POLR3E: variants seen among roughly 807,000 people sequenced by gnomAD.
POLR3E encodes the protein RNA polymerase III subunit E.
POLR3E carries 41 observed loss-of-function variants against 96.6 expected under a neutral mutation model. The ratio of observed to expected loss-of-function variants is 0.42; its 90% confidence interval spans 0.33 to 0.55. POLR3E has a LOEUF of 0.55. POLR3E is among the 20% of genes least tolerant of loss of function. The probability of loss-of-function intolerance (pLI) is 0.06; values close to 1 mark genes in which losing one functional copy is unlikely to be tolerated. For missense variants in POLR3E, 849 were observed against 952.1 expected (o/e 0.89, Z 1.43); for synonymous variants, 396 against 383.6 (o/e 1.03, Z -0.38).
At position 22,333,899 on chromosome 16, in the gene POLR3E, T is replaced by G. The variant is rs2048796538; in HGVS notation, c.*199T>G. The G allele has an allele frequency of 2.1e-6, 1 of 486,804 alleles. No homozygotes were observed. The highest frequency in any genetic ancestry group is 1.9e-5 in the African/African-American group (1 of 52,170). 30.2% of individuals were successfully genotyped at this position (486,804 alleles called of 1,614,324 possible). A position where few individuals can be genotyped will look rare whatever the true frequency, so the allele number is the denominator to read the frequency against. On this transcript the variant is annotated 3_prime_UTR_variant, in exon 21 of 21. Coordinates refer to ENST00000299853, the MANE Select transcript of POLR3E (RefSeq NM_018119.4). ...GGTCAGCTTAAGTTAGTTAGATCAC[T>G]CCCAGAAGAGACCAGCTGGGACCTT...
intron 16 of POLR3E, 36 bp downstream of exon 16, chr16:22,324,696 A>G: frequency 1.2e-6 from 2 of 1,609,552 alleles, no homozygotes; most frequent in Non-Finnish European, 1.7e-6. Context: ...CAGCCCGGTG[A>G]TCCCAGCAAC....
chr16:22,309,559 C>A, intron 6 of POLR3E, 49 bp downstream of exon 6: 2 of 1,240,442 alleles, frequency 1.6e-6, no homozygotes, highest in Non-Finnish European at 2.4e-6. Flanking sequence ...TTGGGGGGGG[C>A]TGGGCAGGGA....
At chr16:22,330,058 GT>G (rs201506303) in intron 19 of POLR3E, among the ~76,000 whole-genome samples, 2,403 of 142,692 alleles carry the variant, frequency 0.017, 81 homozygotes, top group East Asian at 0.11. Flanking sequence ...TGTTACGCCA[GT>G]TTTTTTTTTT....
intron 6 of POLR3E, chr16:22,309,974 T>C: frequency 5.9e-6 from 1 of 168,352 alleles, no homozygotes; most frequent in Non-Finnish European, 1.3e-5. Context: ...GCTGGATTCA[T>C]GGAGAAACAG....
chr16:22,335,007 A>AT lies in POLR3E; in HGVS notation c.*1308dup, dbSNP rs1448184397. Reference sequence around the variant, plus strand: ...ATTGATCAAGGATGTACTTTGCCAAATAAGTATTTGGTAACATCACTTAAC... The same window carrying AT: ...ATTGATCAAGGATGTACTTTGCCAAATTAAGTATTTGGTAACATCACTTAAC... On this transcript the variant is annotated 3_prime_UTR_variant, in exon 21 of 21. Coordinates refer to ENST00000299853, the MANE Select transcript of POLR3E (RefSeq NM_018119.4). The AT allele has an allele frequency of 6.6e-6, 1 of 152,260 alleles. No individual in the cohort carries two copies. The highest frequency in any genetic ancestry group is 1.9e-4 in the East Asian group (1 of 5,208). The allele number at this position is 152,260 out of a possible 1,614,324, so 9.4% of individuals were successfully genotyped here.
chr16:22,324,461 AG>A, intron 15 of POLR3E, 41 bp from the exon 16 acceptor site: 7 of 1,605,996 alleles, frequency 4.4e-6, no homozygotes, highest in Non-Finnish European at 6.0e-6. Flanking sequence ...GCTGGAGGGG[AG>A]GGGGCTGGCT....
intron 1 of POLR3E, among the ~76,000 whole-genome samples, chr16:22,297,874 C>T (rs1435448968): frequency 6.6e-6 from 1 of 152,184 alleles, no homozygotes; most frequent in Non-Finnish European, 1.5e-5. Context: ...CGGCTCGCGG[C>T]AGGGACTGCG....
intron 6 of POLR3E, among the ~76,000 whole-genome samples, chr16:22,312,287 G>C (rs1388423051): frequency 6.6e-6 from 1 of 152,104 alleles, no homozygotes; most frequent in Non-Finnish European, 1.5e-5. Flanking sequence ...CTGAGGTCAG[G>C]AGTTCGAGAC....
chr16:22,320,739 G>T (rs771758549), intron 13 of POLR3E, among the ~76,000 whole-genome samples: 2 of 152,016 alleles, frequency 1.3e-5, no homozygotes, highest in Non-Finnish European at 2.9e-5. Flanking sequence ...CTTTAATGTG[G>T]GTCTGTTGGT....
chr16:22,315,200 G>T lies in POLR3E; in HGVS notation c.634G>T (p.Gly212Cys). 6 of 1,592,680 alleles carry T rather than the reference G, an allele frequency of 3.8e-6. No individual in the cohort carries two copies. Among genetic ancestry groups the T allele is most frequent in the Non-Finnish European group, 5.1e-6 (6 of 1,169,408 alleles). Reference sequence around the variant, plus strand: ...GCCCTGGGTCCACCTGCATTACTATGGCCTGAGGGTGAGCGGGGCTTCGTG... The same window carrying T: ...GCCCTGGGTCCACCTGCATTACTATTGCCTGAGGGTGAGCGGGGCTTCGTG... ...EEPWVHLHYY[G>C]LRDSRSEHER... Residue 212 changes from glycine to cysteine, a missense_variant, in exon 9 of 21, where the codon GGC (glycine) becomes TGC (cysteine). Coordinates refer to ENST00000299853, the MANE Select transcript of POLR3E (RefSeq NM_018119.4).
rs966611333 is a variant in POLR3E at position 22,318,852 on chromosome 16, A to G, written c.892A>G (p.Met298Val). The G allele has an allele frequency of 1.2e-6, 2 of 1,613,090 alleles. No homozygotes were observed. The highest frequency in any genetic ancestry group is 2.7e-5 in the African/African-American group (2 of 74,856). ...GAAGGTCATGCCTTTTGCCAACTTG[A>G]TGAGCCTCCTGGGCCCCTCCATCGA... Reference protein sequence around the residue: ...NVKVMPFANLMSLLGPSIDSV... With the variant: ...NVKVMPFANLVSLLGPSIDSV... Residue 298 changes from methionine to valine, a missense_variant, in exon 13 of 21, where the codon ATG becomes GTG. By Grantham distance (21) the Met-to-Val change is conservative. Coordinates refer to ENST00000299853, the MANE Select transcript of POLR3E (RefSeq NM_018119.4). The surrounding 1 kb of genome is among the most constrained non-coding windows in gnomAD (Gnocchi z 5.0).
rs1452476023 is a variant in POLR3E at position 22,334,901 on chromosome 16, G to GGTTTAAAT, written c.*1203_*1210dup. ...ACAACACAGTCACTAATTGTCTGAA[G>GGTTTAAAT]GTTTAAATGACGGTCTATGCTATTT... On this transcript the variant is annotated 3_prime_UTR_variant, in exon 21 of 21. Coordinates refer to ENST00000299853, the MANE Select transcript of POLR3E (RefSeq NM_018119.4). 3 of 152,114 alleles carry GGTTTAAAT rather than the reference G, an allele frequency of 2.0e-5. No individual in the cohort carries two copies. Among genetic ancestry groups the GGTTTAAAT allele is most frequent in the Admixed American group, 6.6e-5 (1 of 15,256 alleles). 9.4% of individuals were successfully genotyped at this position (152,114 alleles called of 1,614,324 possible).
intron 10 of POLR3E, 107 bp from the exon 11 acceptor site, chr16:22,316,887 CG>C: frequency 1.3e-6 from 1 of 744,928 alleles, no homozygotes; most frequent in Non-Finnish European, 2.1e-6. Context: ...TGGGGGAGGG[CG>C]GGGGTGGGCT....
At chr16:22,315,542 G>C (rs928563202) in intron 9 of POLR3E, among the ~76,000 whole-genome samples, 1 of 152,134 alleles carries the variant, frequency 6.6e-6, no homozygotes, top group Non-Finnish European at 1.5e-5. Context: ...TGCATTCTCC[G>C]GTTCTGTCCT....
At position 22,332,119 on chromosome 16, in the gene POLR3E, C is replaced by T; in HGVS notation, c.2004C>T (p.Ile668=). ...SKNYRVRRNM[I]QSRLTQECGE... is the part of the protein sequence containing the mutation. ...ATTACCGGGTACGCCGAAACATGAT[C>T]CAGTCTCGGTTGACTCAAGAGTGTG... The change falls in exon 20 of 21, where the codon ATC becomes ATT. Residue 668 remains isoleucine, a synonymous_variant. Transcript: ENST00000299853. The T allele has an allele frequency of 6.2e-7, 1 of 1,613,572 alleles. No individual in the cohort carries two copies. The highest frequency in any genetic ancestry group is 8.5e-7 in the Non-Finnish European group (1 of 1,179,510).
chr16:22,324,126 C>T (rs1681046584), intron 14 of POLR3E, among the ~76,000 whole-genome samples: 1 of 151,964 alleles, frequency 6.6e-6, no homozygotes, highest in South Asian at 2.1e-4. Context: ...GTGGGATGGT[C>T]CCATGGTCCC....
At chr16:22,302,818 G>C in intron 1 of POLR3E, 113 bp from the exon 2 acceptor site, 1 of 745,678 alleles carries the variant, frequency 1.3e-6, no homozygotes, top group Non-Finnish European at 2.5e-6. Context: ...TAGAAAGAAG[G>C]TCAGTTGGTT....
intron 18 of POLR3E, 35 bp downstream of exon 18, chr16:22,326,313 GT>G: frequency 2.2e-6 from 1 of 464,014 alleles, no homozygotes; most frequent in African/African-American, 2.1e-5. Flanking sequence ...GGCATGGGGG[GT>G]GGGGGGTGGG....
In POLR3E at chr16:22,313,969, G is replaced by A. The variant is rs1160375619; in HGVS notation, c.473-110G>A. 5 of 961,844 alleles carry A rather than the reference G, an allele frequency of 5.2e-6. No homozygotes were observed. In the African/African-American group the frequency reaches 8.0e-5, roughly 15 times the overall value. 59.6% of individuals were successfully genotyped at this position (961,844 alleles called of 1,614,324 possible). ...ACCACTGGCTTAGGCAGCTCCCTCT[G>A]CGAGGAGAACTCCCAGCACCCCGGC... On this transcript the variant is annotated intron_variant, in intron 7 of 20. Transcript: ENST00000299853. This position sits in a 1 kb window ranked among gnomAD's most constrained non-coding sequence, Gnocchi z 4.1.
Sources: gnomAD v4.1 joint callset for allele counts (sites outside exome capture counted in the v4.1 genomes callset) on GRCh38, gnomAD v4.1.1 for gene constraint, Gnocchi (gnomAD v3.1) non-coding constraint, MANE v1.5 for transcripts, NCBI Gene and HGNC (gene_info 2026-07-23, HGNC 2026-07-21) for gene names.